Variants in ZNF326 observed in about 807,000 individuals in gnomAD.
ZNF326 encodes zinc finger protein 326.
A neutral mutation model predicts 63.1 loss-of-function variants in ZNF326; 30 were observed. The ratio of observed to expected loss-of-function variants is 0.48; its 90% CI spans 0.36 to 0.64. The LOEUF is 0.64. ZNF326 is among the 30% of genes least tolerant of loss of function. The probability of loss-of-function intolerance (pLI) is 0.00; values close to 1 mark genes in which losing one functional copy is unlikely to be tolerated. For missense variants in ZNF326, 609 were observed against 720.3 expected (o/e 0.85, Z 1.77); for synonymous variants, 194 against 228.2 (o/e 0.85, Z 1.35).
chr1:90,008,504 G>T (rs1649094448), intron 5 of ZNF326, among the ~76,000 whole-genome samples: 2 of 152,096 alleles, frequency 1.3e-5, no homozygotes, highest in South Asian at 4.1e-4. Context: ...TTTAAGTTTA[G>T]GGTACATAGT....
chr1:90,021,168 C>T lies in ZNF326; in HGVS notation c.1305+246C>T, dbSNP rs192683590. Among the ~76,000 whole-genome samples the T allele has an allele frequency of 8.7e-4, 133 of 152,038 alleles. 2 individuals are homozygous for T. In the Middle Eastern group the frequency reaches 0.01, roughly 12 times the overall value. ...AGTTAACCTTTCTTTGTCTAAGTTT[C>T]CTTATCTGTAAAATGAGGGTAGATG... On this transcript the variant is annotated intron_variant, in intron 10 of 11. Coordinates refer to ENST00000340281, the MANE Select transcript of ZNF326 (RefSeq NM_182976.4).
intron 10 of ZNF326, among the ~76,000 whole-genome samples, chr1:90,021,330 G>C (rs1441935789): frequency 6.6e-6 from 1 of 151,922 alleles, no homozygotes; most frequent in East Asian, 1.9e-4. Context: ...TAAAAAGTCA[G>C]TACAAAACAG....
rs376003247 is a variant in ZNF326, at chr1:90,026,549, G to A, written c.1402-805G>A. Among the ~76,000 whole-genome samples, 47 of 151,684 alleles carry A rather than the reference G, an allele frequency of 3.1e-4. 1 individual carries two copies. The highest frequency in any genetic ancestry group is 4.3e-4 in the Non-Finnish European group (29 of 67,934). ...TACACTTCCTCCCCTTTTCCTTTCC[G>A]TTGGAATAGTGATTGTAATTTACCT... On this transcript the variant is annotated intron_variant, in intron 11 of 11. Coordinates refer to ENST00000340281, the MANE Select transcript of ZNF326 (RefSeq NM_182976.4).
At chr1:89,995,679 T>C (rs1648327454) in intron 1 of ZNF326, among the ~76,000 whole-genome samples, 2 of 152,234 alleles carry the variant, frequency 1.3e-5, no homozygotes, top group South Asian at 4.1e-4. Context: ...AGACCGTCCG[T>C]TTAGTTAATC....
At chr1:89,998,213 A>G (rs924123981) in intron 2 of ZNF326, 59 bp downstream of exon 2, 1 of 1,546,398 alleles carries the variant, frequency 6.5e-7, no homozygotes, top group Non-Finnish European at 8.9e-7. Flanking sequence ...ATCAATGTAA[A>G]AGGCCAGTTC....
chr1:90,002,217 A>G (rs1049448598), intron 2 of ZNF326, among the ~76,000 whole-genome samples: 4 of 152,228 alleles, frequency 2.6e-5, no homozygotes, highest in African/African-American at 9.6e-5. Flanking sequence ...TAACATTACT[A>G]TGAACAATCA....
intron 1 of ZNF326, among the ~76,000 whole-genome samples, chr1:89,995,655 C>T (rs1648324715): frequency 6.6e-6 from 1 of 152,380 alleles, no homozygotes; most frequent in Non-Finnish European, 1.5e-5. Flanking sequence ...ATTCGCCCCA[C>T]AGGGCAGCGA....
Position 90,022,334 on chromosome 1 carries a change from C to T in ZNF326, c.1390C>T (p.Arg464Cys), listed in dbSNP as rs1032326684. 9 of 1,611,348 alleles carry T rather than the reference C, an allele frequency of 5.6e-6. No individual in the cohort carries two copies. The highest frequency in any genetic ancestry group is 2.2e-5 in the East Asian group (1 of 44,762). ...NNPIVKARYE[R>C]FVKGENPFEI... is the part of the protein sequence containing the mutation. ...TCCAATAGTGAAGGCGCGATATGAA[C>T]GTTTTGTTAAGGTAAGATTTTAGGG... Residue 464 changes from arginine (R) to cysteine (C), a missense_variant, in exon 11 of 12, where the codon CGT becomes TGT. Transcript: ENST00000340281.
intron 7 of ZNF326, among the ~76,000 whole-genome samples, chr1:90,014,888 A>G (rs368268404): frequency 2.0e-5 from 3 of 152,272 alleles, no homozygotes; most frequent in East Asian, 3.9e-4. Context: ...ATTTTACATT[A>G]TAAGATGCAA....
Position 90,018,762 on chromosome 1 carries a change from A to G in ZNF326, c.1152A>G (p.Ile384Met), listed in dbSNP as rs138813655. Residue 384 changes from isoleucine to methionine, a missense_variant, in exon 9 of 12, where the codon ATA becomes ATG. Transcript: ENST00000340281. ...ATAATCAAACAGAAGTAGTTAAAAT[A>G]ATTGAAAAAGATGTTATGGAAGGTA... The part of the protein sequence containing the change: ...QTNNQTEVVK[I>M]IEKDVMEGVT... 309 of 1,555,496 alleles carry G rather than the reference A, an allele frequency of 2.0e-4. 1 individual carries two copies. The highest frequency in any genetic ancestry group is 1.4e-3 in the Middle Eastern group (8 of 5,912).
chr1:89,996,890 C>A (rs991880437), intron 1 of ZNF326, among the ~76,000 whole-genome samples: 4 of 152,206 alleles, frequency 2.6e-5, no homozygotes, highest in African/African-American at 7.2e-5. Context: ...CAGAGGCTAA[C>A]AAAGTGGAGG....
rs886335323 is a variant in ZNF326, at chr1:90,028,646, A to G, written c.*945A>G. The G allele has an allele frequency of 6.6e-6, 1 of 152,104 alleles. No homozygotes were observed. The highest frequency in any genetic ancestry group is 1.5e-5 in the Non-Finnish European group (1 of 67,998). The allele number at this position is 152,104 out of a possible 1,614,324, so 9.4% of individuals were successfully genotyped here. A position where few individuals can be genotyped will look rare whatever the true frequency, so the allele number is the denominator to read the frequency against. On this transcript the variant is annotated 3_prime_UTR_variant, in exon 12 of 12. Transcript: ENST00000340281. ...TCTTTCAAATATTTCTATCCTTTTT[A>G]AAAAATTCCTTTTTATGGCTTATAT... is the stretch of plus-strand genomic sequence containing the variant.
rs1238311931 is a variant in ZNF326 at position 90,034,769 on chromosome 1, C to CT, written c.*7069dup. The CT allele has an allele frequency of 6.6e-6, 1 of 152,110 alleles. No individual in the cohort carries two copies. The highest frequency in any genetic ancestry group is 1.5e-5 in the Non-Finnish European group (1 of 67,998). The allele number at this position is 152,110 out of a possible 1,614,324, so 9.4% of individuals were successfully genotyped here. ...ATGTTGAAACATCTCAATTTGGTCTCTGAGGCTAGCATAATCCTTATTCCA... is the reference window on the plus strand; with the variant it reads ...ATGTTGAAACATCTCAATTTGGTCTCTTGAGGCTAGCATAATCCTTATTCCA... On this transcript the variant is annotated 3_prime_UTR_variant, in exon 12 of 12. Coordinates refer to ENST00000340281, the MANE Select transcript of ZNF326 (RefSeq NM_182976.4).
chr1:90,014,086 G>T (rs1425704610), intron 7 of ZNF326, among the ~76,000 whole-genome samples: 1 of 151,400 alleles, frequency 6.6e-6, no homozygotes, highest in East Asian at 1.9e-4. Flanking sequence ...GAGGGGAATT[G>T]GTTGAACAAT....
In ZNF326 at chr1:89,995,221, C is replaced by A; in HGVS notation, c.-37C>A. On this transcript the variant is annotated 5_prime_UTR_variant, in exon 1 of 12. Transcript: ENST00000340281. ...CGCTCGCCGCCGGCCATAGCTCAGC[C>A]TAGCGCCGCCAAGGCCGACGGCCCT... 6.5e-7 allele frequency: 1 copy of A among 1,539,774 alleles called. No individual in the cohort carries two copies. The highest frequency in any genetic ancestry group is 8.7e-7 in the Non-Finnish European group (1 of 1,145,828).
In ZNF326 at chr1:90,013,002, T is replaced by G. The variant is rs1444523633; in HGVS notation, c.815-124T>G. On this transcript the variant is annotated intron_variant, in intron 6 of 11. Coordinates refer to ENST00000340281, the MANE Select transcript of ZNF326 (RefSeq NM_182976.4). ...TAGTCTCAAACTCCGATTTTTTTGG[T>G]GAGTTCAATTTTAGATTACAATCAC... The G allele has an allele frequency of 5.8e-6, 4 of 686,890 alleles. No homozygotes were observed. In the African/African-American group the frequency reaches 7.5e-5, roughly 13 times the overall value. 42.5% of individuals were successfully genotyped at this position (686,890 alleles called of 1,614,324 possible). A position where few individuals can be genotyped will look rare whatever the true frequency, so the allele number is the denominator to read the frequency against.
intron 5 of ZNF326, among the ~76,000 whole-genome samples, chr1:90,009,757 G>T (rs1649147164): frequency 6.6e-6 from 1 of 152,132 alleles, no homozygotes; most frequent in South Asian, 2.1e-4. Flanking sequence ...AAGAGGAGTT[G>T]TCAGAGAGTT....
chr1:90,022,266 TAA>T lies in ZNF326; in HGVS notation c.1326_1327del (p.Ser445CysfsTer10). On this transcript the variant is annotated frameshift_variant, in exon 11 of 12. Coordinates refer to ENST00000340281, the MANE Select transcript of ZNF326 (RefSeq NM_182976.4). LOFTEE classifies it high-confidence loss of function. ...TTTTTATAGGCTTATAAGGAACAAA[TAA>T]AAAGAGAGAGTGTCTTGACTGCTAC... The T allele has an allele frequency of 6.2e-7, 1 of 1,611,770 alleles. No homozygotes were observed.
chr1:90,018,519 C>T (rs1353299258), intron 8 of ZNF326, among the ~76,000 whole-genome samples, 166 bp from the exon 9 acceptor site: 1 of 152,010 alleles, frequency 6.6e-6, no homozygotes, highest in Admixed American at 6.6e-5. Context: ...TTGTAGGTTC[C>T]TAATATTTTA....
Sources: gnomAD v4.1 joint callset for allele counts (sites outside exome capture counted in the v4.1 genomes callset) on GRCh38, gnomAD v4.1.1 for gene constraint, MANE v1.5 for transcripts, NCBI Gene and HGNC (gene_info 2026-07-23, HGNC 2026-07-21) for gene names.